The following KCNAB1 variants were observed in gnomAD, a reference collection of about 807,000 sequenced individuals.
KCNAB1 encodes voltage-gated potassium channel subunit beta-1.
Under a neutral mutation model 64.6 loss-of-function variants are expected in KCNAB1, and 35 were observed. That is an observed-to-expected ratio of 0.54 (90% CI 0.41 to 0.72). The LOEUF (loss-of-function observed/expected upper bound fraction) is 0.72, where lower values mean the gene tolerates loss of function less well. Among genes scored for constraint, KCNAB1 ranks in the 30% least tolerant of loss-of-function variants. The pLI is 0.00. For synonymous variants in KCNAB1, 177 were observed against 183.8 expected (o/e 0.96, Z 0.30); for missense variants, 401 against 512.9 (o/e 0.78, Z 2.11).
At chr3:156,384,163 T>C (rs1712390232) in intron 1 of KCNAB1, among the ~76,000 whole-genome samples, 1 of 152,214 alleles carries the variant, frequency 6.6e-6, no homozygotes. Context: ...GCCCTTTTGC[T>C]AAAAATGGAT....
intron 1 of KCNAB1, among the ~76,000 whole-genome samples, chr3:156,409,691 C>T (rs1172846201): frequency 6.6e-6 from 1 of 152,216 alleles, no homozygotes; most frequent in Non-Finnish European, 1.5e-5. Context: ...TTCCTAGTCA[C>T]TATGAGAAGG....
At chr3:156,330,348 C>A (rs951203608) in intron 1 of KCNAB1, among the ~76,000 whole-genome samples, 1 of 152,142 alleles carries the variant, frequency 6.6e-6, no homozygotes, top group Non-Finnish European at 1.5e-5. Flanking sequence ...CAGCATCGGC[C>A]TGTTTCCTCC....
chr3:156,434,925 A>T (rs1716485950), intron 2 of KCNAB1, among the ~76,000 whole-genome samples: 1 of 152,214 alleles, frequency 6.6e-6, no homozygotes, highest in Non-Finnish European at 1.5e-5. Context: ...TTCTCTTTGA[A>T]GCAGGCTCTG....
At chr3:156,136,695 C>T (rs1181845631) in intron 1 of KCNAB1, among the ~76,000 whole-genome samples, 4 of 152,254 alleles carry the variant, frequency 2.6e-5, no homozygotes, top group African/African-American at 4.8e-5. Flanking sequence ...CTAACTGCCA[C>T]GTTTTGAGGT....
rs575037985 is a variant in KCNAB1, at chr3:156,529,174, G to A, written c.1082-2235G>A. Among the ~76,000 whole-genome samples the A allele has an allele frequency of 4.6e-5, 7 of 152,226 alleles. No homozygotes were observed. In the South Asian group the frequency reaches 1.0e-3, roughly 23 times the overall value. The stretch of plus-strand genomic sequence containing the variant: ...TTAGCAACAAAAAGAAATGGTATAC[G>A]GGTACATAGTGCAACACGGAAAAAC... On this transcript the variant is annotated intron_variant, in intron 12 of 13. Coordinates refer to ENST00000490337, the MANE Select transcript of KCNAB1 (RefSeq NM_172160.3).
chr3:156,241,243 A>T (rs1048467390), intron 1 of KCNAB1, among the ~76,000 whole-genome samples: 4 of 152,222 alleles, frequency 2.6e-5, no homozygotes, highest in Non-Finnish European at 1.5e-5. Context: ...GAAATTAATA[A>T]CTGCCTTTTA....
In KCNAB1 at chr3:156,426,111, T is replaced by A. The variant is rs111743309; in HGVS notation, c.319+4452T>A. On this transcript the variant is annotated intron_variant, in intron 2 of 13. Coordinates refer to ENST00000490337, the MANE Select transcript of KCNAB1 (RefSeq NM_172160.3). Reference sequence around the variant, plus strand: ...CTAGGTTTGATTATAAGAACCCTTGTTTGCCTTGCTAAGCCATTTAGCTCT... The same window carrying A: ...CTAGGTTTGATTATAAGAACCCTTGATTGCCTTGCTAAGCCATTTAGCTCT... Among the ~76,000 whole-genome samples, 252 of 152,284 alleles carry A rather than the reference T, an allele frequency of 1.7e-3. 2 individuals carry two copies. Among genetic ancestry groups the A allele is most frequent in the African/African-American group, 5.8e-3 (241 of 41,562 alleles).
chr3:156,252,704 C>T (rs924848976), intron 1 of KCNAB1, among the ~76,000 whole-genome samples: 1 of 152,126 alleles, frequency 6.6e-6, no homozygotes, highest in African/African-American at 2.4e-5. Flanking sequence ...GCTGAGTGCC[C>T]AAGATGCATT....
intron 1 of KCNAB1, among the ~76,000 whole-genome samples, chr3:156,366,342 G>C (rs1725945318): frequency 6.6e-6 from 1 of 152,148 alleles, no homozygotes; most frequent in East Asian, 1.9e-4. Context: ...TGCATTATAT[G>C]GCCATTTGTC....
At chr3:156,369,312 C>T (rs987832371) in intron 1 of KCNAB1, among the ~76,000 whole-genome samples, 119 of 152,236 alleles carry the variant, frequency 7.8e-4, no homozygotes, top group African/African-American at 2.7e-3. Flanking sequence ...TTCCATTGTA[C>T]GAATATACCA....
intron 1 of KCNAB1, among the ~76,000 whole-genome samples, chr3:156,329,590 G>A (rs889354859): frequency 6.6e-6 from 1 of 152,134 alleles, no homozygotes; most frequent in Admixed American, 6.6e-5. Context: ...GACACATGGA[G>A]CCATCTGTGG....
Position 156,452,654 on chromosome 3 carries a change from A to G in KCNAB1, c.320-245A>G, listed in dbSNP as rs16826199. Reference sequence around the variant, plus strand: ...GGACAGGGCTTCCAATAGTATGTACAGTGGCTTTCAGTAAAGAAACAGCAG... The same window carrying G: ...GGACAGGGCTTCCAATAGTATGTACGGTGGCTTTCAGTAAAGAAACAGCAG... On this transcript the variant is annotated intron_variant, in intron 2 of 13. Coordinates refer to ENST00000490337, the MANE Select transcript of KCNAB1 (RefSeq NM_172160.3). The surrounding 1 kb of genome is among the most constrained non-coding windows in gnomAD (Gnocchi z 4.6). 0.15 allele frequency among the ~76,000 whole-genome samples: 22,588 copies of G among 152,056 alleles called. 2,816 individuals are homozygous for G. Among genetic ancestry groups the G allele is most frequent in the African/African-American group, 0.34 (14,227 of 41,386 alleles).
intron 1 of KCNAB1, among the ~76,000 whole-genome samples, chr3:156,262,421 T>C (rs964339622): frequency 2.0e-5 from 3 of 151,926 alleles, no homozygotes; most frequent in Non-Finnish European, 4.4e-5. Context: ...TTTTGATAAG[T>C]GTTTTTTTCT....
At chr3:156,336,960 G>A (rs574770970) in intron 1 of KCNAB1, among the ~76,000 whole-genome samples, 1 of 152,334 alleles carries the variant, frequency 6.6e-6, no homozygotes, top group African/African-American at 2.4e-5. Context: ...CTAGACATAA[G>A]ACCTACTGAA....
At chr3:156,373,946 G>A (rs542025932) in intron 1 of KCNAB1, among the ~76,000 whole-genome samples, 3 of 152,322 alleles carry the variant, frequency 2.0e-5, no homozygotes, top group African/African-American at 7.2e-5. Flanking sequence ...AAATGGGGTA[G>A]CTCATGAAAG....
At chr3:156,304,504 C>T (rs1239627808) in intron 1 of KCNAB1, among the ~76,000 whole-genome samples, 1 of 152,168 alleles carries the variant, frequency 6.6e-6, no homozygotes, top group African/African-American at 2.4e-5. Context: ...TGGCCTACTT[C>T]CTGTTATACT....
chr3:156,176,878 A>G, intron 1 of KCNAB1: 1 of 1,165,170 alleles, frequency 8.6e-7, no homozygotes, highest in Non-Finnish European at 1.3e-6. Flanking sequence ...ACCAGCGGTA[A>G]CTCTGGGCCT....
intron 2 of KCNAB1, among the ~76,000 whole-genome samples, chr3:156,424,201 A>G (rs1010328952): frequency 2.6e-5 from 4 of 152,158 alleles, no homozygotes; most frequent in Non-Finnish European, 4.4e-5. Flanking sequence ...GAAGTGAGCT[A>G]AAATTTTCAA....
intron 1 of KCNAB1, among the ~76,000 whole-genome samples, chr3:156,137,219 TTGG>T (rs894154439): frequency 2.8e-4 from 20 of 71,230 alleles, no homozygotes; most frequent in Middle Eastern, 7.7e-3. Flanking sequence ...GTATCATACA[TTGG>T]TGGGGGGGGA....
Sources: allele counts gnomAD v4.1 joint callset (sites outside exome capture counted in the v4.1 genomes callset), GRCh38; gene constraint gnomAD v4.1.1; non-coding constraint Gnocchi (gnomAD v3.1); transcripts MANE v1.5; gene names NCBI Gene and HGNC (gene_info 2026-07-23, HGNC 2026-07-21).